PHF24: variants seen among roughly 807,000 people sequenced by gnomAD.
The protein encoded by PHF24 is Galpha inhibitory interacting protein.
Under a neutral mutation model 42.6 loss-of-function variants are expected in PHF24, and 25 were observed. The ratio of observed to expected loss-of-function variants is 0.59; its 90% CI spans 0.43 to 0.82. The LOEUF (loss-of-function observed/expected upper bound fraction) is 0.82. PHF24 is among the 40% of genes least tolerant of loss of function. The pLI, the probability that PHF24 is intolerant of heterozygous loss-of-function variation, is 0.00. For missense variants in PHF24, 470 were observed against 538.1 expected (o/e 0.87, Z 1.25); for synonymous variants, 185 against 204.8 (o/e 0.90, Z 0.83).
chr9:34,908,077 G>A, the PHF24 span, among the ~76,000 whole-genome samples: 1 of 152,046 alleles, frequency 6.6e-6, no homozygotes, highest in South Asian at 2.1e-4. Flanking sequence ...TCCCGACCTC[G>A]TGATCTGCCC....
the PHF24 span, among the ~76,000 whole-genome samples, chr9:34,828,911 TTATCTATATCTATATCTA>T: frequency 7.0e-6 from 1 of 143,360 alleles, no homozygotes; most frequent in Non-Finnish European, 1.5e-5. Flanking sequence ...TTGCATGGTT[TTATCTATATCTATATCTA>T]TATCTATATC....
chr9:34,678,868 G>T, the PHF24 span, among the ~76,000 whole-genome samples: 3 of 152,146 alleles, frequency 2.0e-5, no homozygotes, highest in African/African-American at 7.2e-5. Flanking sequence ...GACCTCAGGC[G>T]ATCCGTCTGC....
chr9:34,721,946 A>G, the PHF24 span, among the ~76,000 whole-genome samples: 1 of 152,092 alleles, frequency 6.6e-6, no homozygotes, highest in Non-Finnish European at 1.5e-5. Flanking sequence ...ACTGCTTGTC[A>G]GTTTCCTCTG....
the PHF24 span, among the ~76,000 whole-genome samples, chr9:34,775,807 A>G: frequency 2.6e-5 from 4 of 152,218 alleles, no homozygotes; most frequent in African/African-American, 9.6e-5. Context: ...ACAGATACTC[A>G]TGACAGCATT....
the PHF24 span, among the ~76,000 whole-genome samples, chr9:34,762,244 C>T: frequency 7.3e-5 from 11 of 150,506 alleles, no homozygotes; most frequent in East Asian, 3.9e-4. Context: ...ATGGTATTTC[C>T]AGTTCTAGAT....
chr9:34,923,225 A>G, the PHF24 span, among the ~76,000 whole-genome samples: 1 of 152,092 alleles, frequency 6.6e-6, no homozygotes, highest in Non-Finnish European at 1.5e-5. Flanking sequence ...CCACTTGATC[A>G]TGATCTTTTT....
the PHF24 span, among the ~76,000 whole-genome samples, chr9:34,681,890 A>G: frequency 6.6e-6 from 1 of 152,254 alleles, no homozygotes; most frequent in African/African-American, 2.4e-5. Context: ...AGAGGAAGGG[A>G]CCTCTCTTTG....
the PHF24 span, among the ~76,000 whole-genome samples, chr9:34,682,657 A>G: frequency 6.6e-6 from 1 of 152,112 alleles, no homozygotes; most frequent in Non-Finnish European, 1.5e-5. Context: ...ACTCTTGGTT[A>G]CTGGTAGACT....
At chr9:34,752,882 A>C in the PHF24 span, among the ~76,000 whole-genome samples, 2 of 152,218 alleles carry the variant, frequency 1.3e-5, no homozygotes, top group Non-Finnish European at 2.9e-5. Flanking sequence ...ATGGTTCAAC[A>C]TATGCAAATC....
At chr9:34,686,029 T>C in the PHF24 span, among the ~76,000 whole-genome samples, 1 of 152,198 alleles carries the variant, frequency 6.6e-6, no homozygotes, top group Non-Finnish European at 1.5e-5. Context: ...AACATAAGAA[T>C]GGTAATAGCA....
At chr9:34,854,192 A>ATTT in the PHF24 span, among the ~76,000 whole-genome samples, 2 of 69,858 alleles carry the variant, frequency 2.9e-5, no homozygotes, top group Non-Finnish European at 7.2e-5. Flanking sequence ...CTAGCAGTCT[A>ATTT]TCTATTTTTT....
the PHF24 span, among the ~76,000 whole-genome samples, chr9:34,815,680 G>A: frequency 6.6e-6 from 1 of 152,130 alleles, no homozygotes; most frequent in Non-Finnish European, 1.5e-5. Flanking sequence ...CATGGTCAGG[G>A]CTGGAAAACA....
the PHF24 span, chr9:34,709,137 T>C: frequency 6.6e-5 from 38 of 575,070 alleles, no homozygotes; most frequent in Non-Finnish European, 1.1e-4. Context: ...ACAGTCCTGC[T>C]GCCTCCTCTC....
the PHF24 span, among the ~76,000 whole-genome samples, chr9:34,849,495 CT>C: frequency 6.6e-6 from 1 of 151,734 alleles, no homozygotes; most frequent in Non-Finnish European, 1.5e-5. Context: ...CTATGTGTGT[CT>C]CTGCACGTGA....
chr9:34,817,690 AG>A, the PHF24 span, among the ~76,000 whole-genome samples: 1 of 152,220 alleles, frequency 6.6e-6, no homozygotes, highest in East Asian at 1.9e-4. Context: ...TGTCTTTTAA[AG>A]AACAGAAGTT....
the PHF24 span, among the ~76,000 whole-genome samples, chr9:34,764,439 G>A: frequency 3.9e-5 from 6 of 152,360 alleles, 1 homozygote; most frequent in South Asian, 1.0e-3. Context: ...GGGTGTATGT[G>A]TCAAGGAATT....
the PHF24 span, among the ~76,000 whole-genome samples, chr9:34,849,054 A>G: frequency 2.0e-5 from 3 of 152,140 alleles, no homozygotes; most frequent in Non-Finnish European, 2.9e-5. Flanking sequence ...GTGCAGTGTG[A>G]TGCTGAAAAA....
the PHF24 span, among the ~76,000 whole-genome samples, chr9:34,949,770 G>A: frequency 6.6e-6 from 1 of 151,964 alleles, no homozygotes; most frequent in East Asian, 1.9e-4. Flanking sequence ...AACACCGCAT[G>A]TTCTCACTCA....
chr9:34,846,693 G>A, the PHF24 span, among the ~76,000 whole-genome samples: 3 of 152,198 alleles, frequency 2.0e-5, no homozygotes, highest in Non-Finnish European at 2.9e-5. Context: ...GTCCTGAATG[G>A]TAATGCCCAG....
Sources: gnomAD v4.1 joint callset for allele counts (sites outside exome capture counted in the v4.1 genomes callset) on GRCh38, gnomAD v4.1.1 for gene constraint, MANE v1.5 for transcripts, NCBI Gene and HGNC (gene_info 2026-07-23, HGNC 2026-07-21) for gene names.